Variants in MYT1L observed in about 807,000 individuals in gnomAD.
MYT1L encodes the protein myelin transcription factor 1 like, also known as myelin transcription factor 1-like protein.
MYT1L carries 12 observed loss-of-function variants against 126.7 expected under a neutral mutation model. The ratio of observed to expected loss-of-function variants is 0.09; its 90% CI spans 0.06 to 0.15. MYT1L has a LOEUF of 0.15. Among genes scored for constraint, MYT1L ranks in the 10% least tolerant of loss-of-function variants. MYT1L has a pLI of 1.00. For synonymous variants in MYT1L, 541 were observed against 604.2 expected (o/e 0.90, Z 1.53); for missense variants, 979 against 1,585.2 (o/e 0.62, Z 6.49).
At chr2:2,118,259 C>A (rs1444473770) in intron 3 of MYT1L, among the ~76,000 whole-genome samples, 2 of 151,942 alleles carry the variant, frequency 1.3e-5, no homozygotes, top group African/African-American at 4.8e-5. Flanking sequence ...TGCTCCAAAC[C>A]ATCTTAGATA....
intron 3 of MYT1L, among the ~76,000 whole-genome samples, chr2:2,158,350 T>C (rs2087089391): frequency 6.6e-6 from 1 of 152,324 alleles, no homozygotes; most frequent in South Asian, 2.1e-4. Flanking sequence ...CCCGGGGAGC[T>C]GTGAAACAGT....
intron 2 of MYT1L, among the ~76,000 whole-genome samples, chr2:2,184,440 T>G (rs761950319): frequency 6.6e-6 from 1 of 152,150 alleles, no homozygotes; most frequent in Non-Finnish European, 1.5e-5. Flanking sequence ...ACGTTTATTT[T>G]CAGGCAAAGG....
chr2:2,004,731 C>G (rs182831002), intron 4 of MYT1L, among the ~76,000 whole-genome samples: 2 of 146,740 alleles, frequency 1.4e-5, no homozygotes, highest in Non-Finnish European at 3.0e-5. Context: ...TTCTTTCCTG[C>G]GTGCCTTCTT....
chr2:2,137,965 T>A (rs2083307925), intron 3 of MYT1L, among the ~76,000 whole-genome samples: 2 of 152,020 alleles, frequency 1.3e-5, no homozygotes, highest in South Asian at 4.1e-4. Context: ...ATATCCAGAA[T>A]CTACAATGAA....
At chr2:2,012,622 T>C (rs1471611263) in intron 4 of MYT1L, among the ~76,000 whole-genome samples, 4 of 152,196 alleles carry the variant, frequency 2.6e-5, no homozygotes, top group Non-Finnish European at 5.9e-5. Context: ...GGTCCAAAAA[T>C]ATTCAACGGA....
At chr2:2,180,986 G>C (rs1418625992) in intron 2 of MYT1L, among the ~76,000 whole-genome samples, 145 of 143,114 alleles carry the variant, frequency 1.0e-3, no homozygotes, top group Middle Eastern at 3.8e-3. Context: ...GTGTGTACCT[G>C]TGTGTGCTTG....
chr2:2,133,153 C>T (rs537274232), intron 3 of MYT1L, among the ~76,000 whole-genome samples: 1 of 152,266 alleles, frequency 6.6e-6, no homozygotes, highest in South Asian at 2.1e-4. Context: ...GCCAGCATTA[C>T]CCACCTTGTG....
chr2:2,080,751 G>A (rs2075735360), intron 3 of MYT1L, among the ~76,000 whole-genome samples: 1 of 152,146 alleles, frequency 6.6e-6, no homozygotes, highest in Admixed American at 6.5e-5. Context: ...CATTGCAGGT[G>A]GGAATATAAA....
intron 18 of MYT1L, among the ~76,000 whole-genome samples, chr2:1,863,042 G>T (rs961104941): frequency 1.3e-5 from 2 of 152,152 alleles, no homozygotes; most frequent in African/African-American, 4.8e-5. Flanking sequence ...TGGCCCAGAT[G>T]GACACTGGGA....
At chr2:2,064,586 G>A (rs1256759742) in intron 3 of MYT1L, among the ~76,000 whole-genome samples, 3 of 152,104 alleles carry the variant, frequency 2.0e-5, no homozygotes, top group Non-Finnish European at 4.4e-5. Context: ...TGCTCAGGGA[G>A]TTTTTTGTGA....
intron 3 of MYT1L, among the ~76,000 whole-genome samples, chr2:2,106,663 C>G (rs1483011067): frequency 1.3e-5 from 2 of 152,076 alleles, no homozygotes; most frequent in African/African-American, 2.4e-5. Flanking sequence ...AAATTCATCT[C>G]CATGAGGGAA....
intron 2 of MYT1L, among the ~76,000 whole-genome samples, chr2:2,272,538 A>C (rs889675073): frequency 6.6e-6 from 1 of 152,122 alleles, no homozygotes; most frequent in African/African-American, 2.4e-5. Context: ...AGGGGAATAC[A>C]CTTTAGTGTG....
At chr2:1,895,210 C>T (rs1026439909) in intron 14 of MYT1L, among the ~76,000 whole-genome samples, 11 of 152,244 alleles carry the variant, frequency 7.2e-5, no homozygotes, top group South Asian at 2.1e-4. Context: ...TCAGAGACGA[C>T]ACAAATAAAT....
At chr2:2,058,743 T>A (rs2150135306) in intron 3 of MYT1L, among the ~76,000 whole-genome samples, 1 of 152,368 alleles carries the variant, frequency 6.6e-6, no homozygotes, top group East Asian at 1.9e-4. Flanking sequence ...AAAATGATTT[T>A]AAATCCATTA....
At chr2:2,316,346 G>A (rs1269030382) in intron 1 of MYT1L, among the ~76,000 whole-genome samples, 3 of 152,214 alleles carry the variant, frequency 2.0e-5, no homozygotes, top group African/African-American at 7.2e-5. Context: ...CATTTTGGGT[G>A]CCTTCTGCTC....
intron 18 of MYT1L, among the ~76,000 whole-genome samples, chr2:1,860,523 A>T (rs1385952840): frequency 6.6e-6 from 1 of 152,120 alleles, no homozygotes; most frequent in East Asian, 1.9e-4. Flanking sequence ...CAAGAGAGGT[A>T]CTCACCTTGA....
chr2:2,199,765 C>G (rs1042496791), intron 2 of MYT1L, among the ~76,000 whole-genome samples: 1 of 152,176 alleles, frequency 6.6e-6, no homozygotes, highest in Non-Finnish European at 1.5e-5. Context: ...TTCCTCTTTC[C>G]TCCAAGGGAC....
intron 2 of MYT1L, among the ~76,000 whole-genome samples, chr2:2,191,382 T>C (rs954955065): frequency 5.9e-5 from 9 of 151,748 alleles, no homozygotes; most frequent in Non-Finnish European, 1.0e-4. Context: ...TCAGGGAAAA[T>C]GTCAGAACCA....
chr2:2,135,186 C>T (rs913235407), intron 3 of MYT1L, among the ~76,000 whole-genome samples: 3 of 152,114 alleles, frequency 2.0e-5, no homozygotes, highest in African/African-American at 4.8e-5. Context: ...ATAATTCCCA[C>T]GTGTCATGGG....
Sources: allele counts gnomAD v4.1 joint callset (sites outside exome capture counted in the v4.1 genomes callset), GRCh38; gene constraint gnomAD v4.1.1; transcripts MANE v1.5; gene names NCBI Gene and HGNC (gene_info 2026-07-23, HGNC 2026-07-21).